Variants in NBAS observed in about 807,000 individuals in gnomAD.
NBAS encodes NAG/BC035112 fusion.
A neutral mutation model predicts 302.5 loss-of-function variants in NBAS; 219 were observed. That is an observed-to-expected ratio of 0.72 (90% confidence interval 0.65 to 0.81). The LOEUF (loss-of-function observed/expected upper bound fraction) is 0.81. Among genes scored for constraint, NBAS ranks in the 30% least tolerant of loss-of-function variants. The pLI is 0.00. For missense variants in NBAS, 2,932 were observed against 2,841.6 expected (o/e 1.03, Z -0.72); for synonymous variants, 1,118 against 1,021.6 (o/e 1.09, Z -1.80).
chr2:15,135,429 C>G, the NBAS span, among the ~76,000 whole-genome samples: 9 of 152,144 alleles, frequency 5.9e-5, no homozygotes, highest in African/African-American at 2.2e-4. Context: ...TGGTGGCACT[C>G]AGTCATCAGG....
At chr2:14,885,974 G>A in the NBAS span, among the ~76,000 whole-genome samples, 1 of 152,202 alleles carries the variant, frequency 6.6e-6, no homozygotes, top group African/African-American at 2.4e-5. Flanking sequence ...TAAAGAGAAC[G>A]AGCAACTTCC....
chr2:15,215,063 T>A (rs939829495), intron 48 of NBAS, among the ~76,000 whole-genome samples: 4 of 152,182 alleles, frequency 2.6e-5, no homozygotes, highest in Admixed American at 2.6e-4. Context: ...ATGCACCAGT[T>A]AGCTAGAAAA....
chr2:15,466,716 T>C (rs555301901), intron 19 of NBAS, among the ~76,000 whole-genome samples: 2 of 152,174 alleles, frequency 1.3e-5, no homozygotes, highest in South Asian at 2.1e-4. Flanking sequence ...GGCGGGTGGA[T>C]TGCTTGAGTC....
At chr2:15,383,706 A>G (rs537205520) in intron 28 of NBAS, among the ~76,000 whole-genome samples, 7 of 152,344 alleles carry the variant, frequency 4.6e-5, no homozygotes, top group African/African-American at 7.2e-5. Context: ...TTCAAATTCC[A>G]TCTTCATCAC....
intron 40 of NBAS, among the ~76,000 whole-genome samples, chr2:15,306,212 T>C (rs1302746793): frequency 6.6e-6 from 1 of 152,166 alleles, no homozygotes; most frequent in African/African-American, 2.4e-5. Context: ...ATACCTGAGA[T>C]ATAAAAAAAC....
chr2:15,225,787 A>G (rs1026678048), intron 47 of NBAS, among the ~76,000 whole-genome samples: 5 of 152,204 alleles, frequency 3.3e-5, no homozygotes, highest in African/African-American at 1.2e-4. Flanking sequence ...AATGCTATAA[A>G]TCCTTTTGAG....
Position 15,292,760 on chromosome 2 carries a change from G to A in NBAS, c.4804C>T (p.Pro1602Ser). ...DKCHPLYRAD[P>S]KELIKMVTRH... is the part of the protein sequence containing the mutation. ...GTGACCATCTTGATTAGTTCTTTGG[G>A]ATCAGCCTATGAAAGACATGGAAAA... The change falls in exon 41 of 52, where the codon CCC becomes TCC. Residue 1602 changes from proline (P) to serine (S), a missense_variant. Coordinates refer to ENST00000281513, the MANE Select transcript of NBAS (RefSeq NM_015909.4). 2 of 1,614,072 alleles carry A rather than the reference G, an allele frequency of 1.2e-6. No individual in the cohort carries two copies. The highest frequency in any genetic ancestry group is 1.7e-6 in the Non-Finnish European group (2 of 1,179,992).
chr2:15,043,648 T>A, the NBAS span, among the ~76,000 whole-genome samples: 1 of 152,134 alleles, frequency 6.6e-6, no homozygotes, highest in Admixed American at 6.5e-5. Flanking sequence ...TGCCAGAAAG[T>A]CTAATCCTGC....
chr2:15,051,912 G>C, the NBAS span, among the ~76,000 whole-genome samples: 1 of 150,996 alleles, frequency 6.6e-6, no homozygotes, highest in African/African-American at 2.4e-5. Context: ...TTTTTCAAGA[G>C]CCAGTTAAAA....
chr2:14,911,154 G>A, the NBAS span, among the ~76,000 whole-genome samples: 11 of 152,214 alleles, frequency 7.2e-5, no homozygotes, highest in Non-Finnish European at 1.2e-4. Context: ...AGATGTTATC[G>A]AAAGCAAATT....
At chr2:15,490,339 A>G (rs74705890) in intron 11 of NBAS, among the ~76,000 whole-genome samples, 2,657 of 152,304 alleles carry the variant, frequency 0.017, 70 homozygotes, top group African/African-American at 0.061. Context: ...TCACTTTACT[A>G]AAGACTAAAA....
the NBAS span, among the ~76,000 whole-genome samples, chr2:15,160,591 G>A: frequency 1.7e-5 from 2 of 120,686 alleles, no homozygotes; most frequent in Non-Finnish European, 3.4e-5. Flanking sequence ...TGGGCGGGGG[G>A]AGGGGGGGGG....
intron 21 of NBAS, among the ~76,000 whole-genome samples, chr2:15,447,694 T>A (rs1461880084): frequency 1.3e-5 from 2 of 152,144 alleles, no homozygotes; most frequent in Admixed American, 1.3e-4. Flanking sequence ...ATTTTTTTAT[T>A]AGTAATTTGG....
At chr2:15,034,248 G>GAAAGAAAGAAAGAAAGAAA in the NBAS span, among the ~76,000 whole-genome samples, 2 of 91,554 alleles carry the variant, frequency 2.2e-5, no homozygotes, top group East Asian at 5.1e-4. Flanking sequence ...AAGAAAGAAA[G>GAAAGAAAGAAAGAAAGAAA]AAAGAAAGAA....
the NBAS span, among the ~76,000 whole-genome samples, chr2:14,786,884 T>C: frequency 6.6e-6 from 1 of 152,162 alleles, no homozygotes; most frequent in South Asian, 2.1e-4. Context: ...CCTTGTTAAC[T>C]TTCTGTCTCA....
In NBAS at chr2:15,216,875, C is replaced by A. The variant is rs149819038; in HGVS notation, c.6432+1898G>T. 9.9e-5 allele frequency among the ~76,000 whole-genome samples: 15 copies of A among 152,166 alleles called. No individual in the cohort carries two copies. The East Asian group carries it at 2.9e-3, about 29-fold the overall frequency. ...AGAGAAATCAGCCTCATCATCCTGG[C>A]GAGAAGGTGAAACTGACCGAGGTCG... On this transcript the variant is annotated intron_variant, in intron 48 of 51. Transcript: ENST00000281513.
rs143642537 is a variant in NBAS, at chr2:15,211,893, C to T, written c.6432+6880G>A. On this transcript the variant is annotated intron_variant, in intron 48 of 51. Transcript: ENST00000281513. ...GCTTGTGTGAAGGGGATAAACAGAG[C>T]GTCCCTATATCTCCACTTCCACCTT... is the stretch of plus-strand genomic sequence containing the variant. Among the ~76,000 whole-genome samples, 9 of 152,262 alleles carry T rather than the reference C, an allele frequency of 5.9e-5. No homozygotes were observed. The East Asian group carries it at 1.7e-3, about 29-fold the overall frequency.
chr2:15,105,486 AT>A, the NBAS span, among the ~76,000 whole-genome samples: 1 of 151,932 alleles, frequency 6.6e-6, no homozygotes, highest in African/African-American at 2.4e-5. Flanking sequence ...AAAGAAAAAT[AT>A]TTTTTATGTT....
chr2:15,205,702 G>A (rs1193560593), intron 48 of NBAS, among the ~76,000 whole-genome samples: 1 of 152,244 alleles, frequency 6.6e-6, no homozygotes, highest in East Asian at 1.9e-4. Flanking sequence ...TGAGTCATGG[G>A]GGTGGACTTC....
Sources: allele counts gnomAD v4.1 joint callset (sites outside exome capture counted in the v4.1 genomes callset), GRCh38; gene constraint gnomAD v4.1.1; transcripts MANE v1.5; gene names NCBI Gene and HGNC (gene_info 2026-07-23, HGNC 2026-07-21).